The following ZDHHC2 variants were observed in gnomAD, a reference collection of about 807,000 sequenced individuals.
ZDHHC2 encodes the protein palmitoyltransferase ZDHHC2.
Under a neutral mutation model 55.6 loss-of-function variants are expected in ZDHHC2, and 51 were observed. The observed-to-expected ratio is 0.92, with a 90% CI of 0.73 to 1.16. The LOEUF is 1.16. ZDHHC2 is among the 50% of genes most tolerant of loss of function. The pLI, the probability that ZDHHC2 is intolerant of heterozygous loss-of-function variation, is 0.00. For synonymous variants in ZDHHC2, 199 were observed against 152.9 expected (o/e 1.30, Z -2.22); for missense variants, 491 against 442.4 (o/e 1.11, Z -0.99).
At chr8:17,159,396 A>G (rs1199211842) in intron 1 of ZDHHC2, among the ~76,000 whole-genome samples, 1 of 152,194 alleles carries the variant, frequency 6.6e-6, no homozygotes, top group Admixed American at 6.6e-5. Flanking sequence ...TAGAAGAAAC[A>G]AGGTGATTTA....
rs1210152786 is a variant in ZDHHC2, at chr8:17,156,801, C to T, written c.78C>T (p.Ile26=). 2 of 1,522,328 alleles carry T rather than the reference C, an allele frequency of 1.3e-6. No individual in the cohort carries two copies. The highest frequency in any genetic ancestry group is 5.2e-5 in the East Asian group (2 of 38,194). The allele number at this position is 1,522,328 out of a possible 1,614,324, so 94.3% of individuals were successfully genotyped here. ...TGTACTGGATCCCGGTGGTGTTCAT[C>T]ACCCTCCTGCTCGGCTGGTCCTACT... ...RVLYWIPVVF[I]TLLLGWSYYA... is the part of the protein sequence containing the mutation. Residue 26 remains isoleucine, a synonymous_variant, in exon 1 of 13, where the codon ATC becomes ATT. Transcript: ENST00000262096.
Position 17,156,628 on chromosome 8 carries a change from G to C in ZDHHC2, c.-96G>C. 1.0e-6 allele frequency: 1 copy of C among 1,001,574 alleles called. No individual in the cohort carries two copies. Among genetic ancestry groups the C allele is most frequent in the Non-Finnish European group, 1.2e-6 (1 of 824,290 alleles). 62.0% of individuals were successfully genotyped at this position (1,001,574 alleles called of 1,614,324 possible). ...CGCAGCGCACCCCGCCGCCGCCCAG[G>C]AGCCCGTCCAGCCAGGGGTGCCGGG... On this transcript the variant is annotated 5_prime_UTR_variant, in exon 1 of 13. Transcript: ENST00000262096.
intron 10 of ZDHHC2, 84 bp downstream of exon 10, chr8:17,210,564 A>C: frequency 8.4e-7 from 1 of 1,193,562 alleles, no homozygotes. Flanking sequence ...CCTTTGAAAA[A>C]AAATGAAGAC....
intron 1 of ZDHHC2, among the ~76,000 whole-genome samples, chr8:17,171,893 C>T (rs1193059566): frequency 6.6e-6 from 1 of 151,774 alleles, no homozygotes; most frequent in African/African-American, 2.4e-5. Context: ...CCTGAGTTGA[C>T]TCTCCTTTGG....
At chr8:17,206,554 A>G (rs929555997) in intron 7 of ZDHHC2, among the ~76,000 whole-genome samples, 1 of 152,224 alleles carries the variant, frequency 6.6e-6, no homozygotes, top group African/African-American at 2.4e-5. Context: ...CAGGATTTAA[A>G]AATAGAAGTA....
intron 1 of ZDHHC2, among the ~76,000 whole-genome samples, chr8:17,159,443 A>G (rs1804222465): frequency 6.6e-6 from 1 of 152,204 alleles, no homozygotes; most frequent in African/African-American, 2.4e-5. Flanking sequence ...TCAGCTAGGG[A>G]TGACCCTGAA....
Position 17,156,612 on chromosome 8 carries a change from C to G in ZDHHC2, c.-112C>G. ...CGGCGGCGGCAGTGGCCGCAGCGCACCCCGCCGCCGCCCAGGAGCCCGTCC... is the reference window on the plus strand; with the variant it reads ...CGGCGGCGGCAGTGGCCGCAGCGCAGCCCGCCGCCGCCCAGGAGCCCGTCC... On this transcript the variant is annotated 5_prime_UTR_variant, in exon 1 of 13. Transcript: ENST00000262096. 1 of 882,738 alleles carries G rather than the reference C, an allele frequency of 1.1e-6. No individual in the cohort carries two copies. Among genetic ancestry groups the G allele is most frequent in the Non-Finnish European group, 1.4e-6 (1 of 724,874 alleles). The allele number at this position is 882,738 out of a possible 1,614,324, so 54.7% of individuals were successfully genotyped here.
chr8:17,183,451 C>G (rs1805538845), intron 1 of ZDHHC2, among the ~76,000 whole-genome samples: 2 of 152,218 alleles, frequency 1.3e-5, no homozygotes, highest in African/African-American at 2.4e-5. Flanking sequence ...TGACTAGCCT[C>G]TGACTTACAA....
intron 1 of ZDHHC2, among the ~76,000 whole-genome samples, chr8:17,157,801 C>T (rs1003493038): frequency 6.6e-6 from 1 of 152,176 alleles, no homozygotes; most frequent in African/African-American, 2.4e-5. Flanking sequence ...AACAAAGTGT[C>T]TGTTTTTGCC....
rs1250409662 is a variant in ZDHHC2, at chr8:17,221,983, T to G, written c.*1762T>G. 40 of 38,028 alleles carry G rather than the reference T, an allele frequency of 1.1e-3. No homozygotes were observed. Among genetic ancestry groups the G allele is most frequent in the African/African-American group, 2.5e-3 (38 of 14,944 alleles). 2.4% of individuals were successfully genotyped at this position (38,028 alleles called of 1,614,324 possible). ...AGAATTATATGAAGTCAGGTTTGTT[T>G]TTTTTTTTTTTTTTTTTTCAAAGCA... On this transcript the variant is annotated 3_prime_UTR_variant, in exon 13 of 13. Transcript: ENST00000262096.
chr8:17,163,774 C>G (rs1282205005), intron 1 of ZDHHC2, among the ~76,000 whole-genome samples: 2 of 152,054 alleles, frequency 1.3e-5, no homozygotes, highest in African/African-American at 2.4e-5. Context: ...TTAATGCTGT[C>G]TGTTGGGAAA....
intron 7 of ZDHHC2, among the ~76,000 whole-genome samples, chr8:17,207,130 A>G (rs1172839650): frequency 6.6e-6 from 1 of 152,218 alleles, no homozygotes; most frequent in Non-Finnish European, 1.5e-5. Flanking sequence ...GCTGCTGTTG[A>G]AAACTGTCAG....
At chr8:17,163,076 T>C (rs542525022) in intron 1 of ZDHHC2, among the ~76,000 whole-genome samples, 1 of 152,296 alleles carries the variant, frequency 6.6e-6, no homozygotes, top group African/African-American at 2.4e-5. Flanking sequence ...CCTGTGACCT[T>C]GTGGGTGAAA....
intron 12 of ZDHHC2, among the ~76,000 whole-genome samples, 190 bp from the exon 13 acceptor site, chr8:17,220,066 G>A (rs552890866): frequency 6.6e-6 from 1 of 151,780 alleles, no homozygotes; most frequent in African/African-American, 2.4e-5. Flanking sequence ...GGATCCTTTC[G>A]TATATGCATA....
At chr8:17,174,947 A>C (rs1460210233) in intron 1 of ZDHHC2, among the ~76,000 whole-genome samples, 4 of 151,832 alleles carry the variant, frequency 2.6e-5, no homozygotes, top group African/African-American at 9.7e-5. Flanking sequence ...GGCTGGTCTC[A>C]AACTCCTGGG....
chr8:17,165,848 G>A (rs2150881319), intron 1 of ZDHHC2, among the ~76,000 whole-genome samples: 1 of 152,300 alleles, frequency 6.6e-6, no homozygotes, highest in East Asian at 1.9e-4. Flanking sequence ...TGAAGGAGCT[G>A]AAACATTTAA....
At chr8:17,174,081 T>TTTC (rs541050945) in intron 1 of ZDHHC2, among the ~76,000 whole-genome samples, 6,440 of 151,136 alleles carry the variant, frequency 0.043, 172 homozygotes, top group Non-Finnish European at 0.055. Context: ...CTCTATTCTT[T>TTTC]TTCTTCTTCT....
intron 1 of ZDHHC2, among the ~76,000 whole-genome samples, chr8:17,157,906 AGATT>A (rs754289968): frequency 1.2e-4 from 18 of 152,344 alleles, no homozygotes; most frequent in Non-Finnish European, 2.2e-4. Flanking sequence ...CAAAGCCTCA[AGATT>A]CAGACATAAA....
At position 17,215,323 on chromosome 8, in the gene ZDHHC2, G is replaced by C. The variant is rs766999531; in HGVS notation, c.1037G>C (p.Ser346Thr). The change falls in exon 11 of 13, where the codon AGC (serine) becomes ACC (threonine). Residue 346 changes from serine to threonine, a missense_variant. Physicochemically the swap from Ser to Thr is moderately conservative, Grantham distance 58. Transcript: ENST00000262096. ...GATTCTCAGTCTTGGACGGAGAGCA[G>C]CATAAACCCAGGAAAATGCAAAGCT... ...LTDSQSWTESSINPGKCKAGM... is the reference protein window; with the variant it reads ...LTDSQSWTESTINPGKCKAGM... 1 of 1,588,598 alleles carries C rather than the reference G, an allele frequency of 6.3e-7. No homozygotes were observed. Among genetic ancestry groups the C allele is most frequent in the Non-Finnish European group, 8.6e-7 (1 of 1,166,754 alleles).
Sources: allele counts gnomAD v4.1 joint callset (sites outside exome capture counted in the v4.1 genomes callset), GRCh38; gene constraint gnomAD v4.1.1; transcripts MANE v1.5; gene names NCBI Gene and HGNC (gene_info 2026-07-23, HGNC 2026-07-21).